Variants in ZSWIM6 observed in about 807,000 individuals in gnomAD.
The protein encoded by ZSWIM6 is zinc finger SWIM-type containing 6, also known as zinc finger SWIM domain-containing protein 6.
ZSWIM6 carries 9 observed loss-of-function variants against 113.2 expected under a neutral mutation model. The observed-to-expected ratio is 0.08, with a 90% confidence interval of 0.05 to 0.14. The LOEUF (loss-of-function observed/expected upper bound fraction) is 0.14, where lower values mean the gene tolerates loss of function less well. Ranked by LOEUF, ZSWIM6 falls within the 10% of genes least tolerant of loss-of-function variation. The pLI, the probability that ZSWIM6 is intolerant of heterozygous loss-of-function variation, is 1.00. For synonymous variants in ZSWIM6, 611 were observed against 606.5 expected, an observed-to-expected ratio of 1.01 and a Z score of -0.11; for missense variants, 1,162 against 1,552.2, an observed-to-expected ratio of 0.75 and a Z score of 4.22.
Position 61,544,482 on chromosome 5 carries a change from T to A in ZSWIM6, c.*165T>A. ...ACTAAATTGTCATGTTGTGAAAGTT[T>A]GTGTGTTTTTTATTTTTTCCCTATT... On this transcript the variant is annotated 3_prime_UTR_variant, in exon 14 of 14. Transcript: ENST00000252744. 1 of 376,074 alleles carries A rather than the reference T, an allele frequency of 2.7e-6. No homozygotes were observed. Among genetic ancestry groups the A allele is most frequent in the Non-Finnish European group, 4.7e-6 (1 of 213,462 alleles). The allele number at this position is 376,074 out of a possible 1,614,324, so 23.3% of individuals were successfully genotyped here. A position where few individuals can be genotyped will look rare whatever the true frequency, so the allele number is the denominator to read the frequency against.
intron 1 of ZSWIM6, among the ~76,000 whole-genome samples, chr5:61,381,790 G>T (rs1745491956): frequency 6.6e-6 from 1 of 152,186 alleles, no homozygotes; most frequent in Non-Finnish European, 1.5e-5. Flanking sequence ...AGTGTGGAGT[G>T]AATAGATCCC....
At chr5:61,451,643 C>G (rs952351510) in intron 1 of ZSWIM6, among the ~76,000 whole-genome samples, 1 of 152,252 alleles carries the variant, frequency 6.6e-6, no homozygotes, top group African/African-American at 2.4e-5. Context: ...AGGAAAGGTT[C>G]TTTCTTTTAA....
intron 1 of ZSWIM6, among the ~76,000 whole-genome samples, chr5:61,409,165 A>G (rs952646616): frequency 4.7e-5 from 7 of 149,666 alleles, no homozygotes; most frequent in Admixed American, 4.0e-4. Context: ...AATTAAATGT[A>G]ACACATACCA....
chr5:61,482,447 T>TA (rs1474770224), intron 2 of ZSWIM6, among the ~76,000 whole-genome samples: 1 of 152,164 alleles, frequency 6.6e-6, no homozygotes, highest in Non-Finnish European at 1.5e-5. Context: ...TGTGTATACC[T>TA]ATGTGCATGT....
At chr5:61,389,134 G>C (rs1166187585) in intron 1 of ZSWIM6, among the ~76,000 whole-genome samples, 1 of 152,086 alleles carries the variant, frequency 6.6e-6, no homozygotes, top group Admixed American at 6.6e-5. Flanking sequence ...GCACTCTGTA[G>C]GGCTTCCTCT....
chr5:61,346,298 G>A (rs904343575), intron 1 of ZSWIM6, among the ~76,000 whole-genome samples: 1 of 152,162 alleles, frequency 6.6e-6, no homozygotes, highest in South Asian at 2.1e-4. Flanking sequence ...ATGACAGCAA[G>A]TTGGGTAGTT....
At chr5:61,377,972 T>A (rs1745405639) in intron 1 of ZSWIM6, among the ~76,000 whole-genome samples, 1 of 152,220 alleles carries the variant, frequency 6.6e-6, no homozygotes, top group Non-Finnish European at 1.5e-5. Flanking sequence ...TGCCATTTTT[T>A]AAAAACCTAT....
chr5:61,348,594 G>A (rs183505854), intron 1 of ZSWIM6, among the ~76,000 whole-genome samples: 8 of 152,172 alleles, frequency 5.3e-5, no homozygotes, highest in African/African-American at 1.9e-4. Context: ...CATTTAAACT[G>A]CTAGTTTAAA....
At chr5:61,390,093 T>C (rs1745672458) in intron 1 of ZSWIM6, among the ~76,000 whole-genome samples, 1 of 152,204 alleles carries the variant, frequency 6.6e-6, no homozygotes. Flanking sequence ...TCAGCCTGCC[T>C]GCCTATCTGC....
chr5:61,357,780 C>G (rs532388849), intron 1 of ZSWIM6, among the ~76,000 whole-genome samples: 1 of 145,518 alleles, frequency 6.9e-6, no homozygotes, highest in East Asian at 1.9e-4. Flanking sequence ...GAAAACTAAA[C>G]CATCCTTTTA....
At chr5:61,532,959 TTTCTC>T (rs1242620502) in intron 9 of ZSWIM6, among the ~76,000 whole-genome samples, 1 of 152,262 alleles carries the variant, frequency 6.6e-6, no homozygotes, top group Non-Finnish European at 1.5e-5. Context: ...TGACTTTTGA[TTTCTC>T]TTATACTGAA....
At chr5:61,334,478 C>A (rs941977918) in intron 1 of ZSWIM6, among the ~76,000 whole-genome samples, 17 of 152,184 alleles carry the variant, frequency 1.1e-4, no homozygotes, top group African/African-American at 4.1e-4. Flanking sequence ...TTTTCTCTTT[C>A]TGTAGTCAGT....
At chr5:61,482,468 T>C (rs1385414944) in intron 2 of ZSWIM6, among the ~76,000 whole-genome samples, 1 of 152,200 alleles carries the variant, frequency 6.6e-6, no homozygotes, top group East Asian at 1.9e-4. Context: ...TCTGCACATG[T>C]ATTCCAGAAC....
chr5:61,427,463 T>C (rs1360620046), intron 1 of ZSWIM6, among the ~76,000 whole-genome samples: 12 of 152,186 alleles, frequency 7.9e-5, no homozygotes, highest in African/African-American at 2.7e-4. Context: ...GGAACTTCAT[T>C]GAACTTTTCT....
At chr5:61,412,392 G>A (rs1341489260) in intron 1 of ZSWIM6, among the ~76,000 whole-genome samples, 2 of 152,172 alleles carry the variant, frequency 1.3e-5, no homozygotes, top group Admixed American at 1.3e-4. Context: ...TGTGATTTTA[G>A]TATGTTTCAG....
Position 61,457,503 on chromosome 5 carries a change from G to A in ZSWIM6, c.677-15178G>A, listed in dbSNP as rs573738427. Among the ~76,000 whole-genome samples, 5 of 151,868 alleles carry A rather than the reference G, an allele frequency of 3.3e-5. No individual in the cohort carries two copies. The South Asian group carries it at 1.0e-3, about 32-fold the overall frequency. On this transcript the variant is annotated intron_variant, in intron 1 of 13. Coordinates refer to ENST00000252744, the MANE Select transcript of ZSWIM6 (RefSeq NM_020928.2). ...ATAACAATTGTGATTGACTAAATAA[G>A]TGGCCCCTCTATCTTTTTTTTTATT...
chr5:61,418,536 G>A (rs111533316), intron 1 of ZSWIM6, among the ~76,000 whole-genome samples: 21,480 of 152,044 alleles, frequency 0.14, 1,625 homozygotes, highest in Non-Finnish European at 0.17. Context: ...CGGGATTACA[G>A]GTGTGAGCCA....
chr5:61,446,633 A>G (rs1746959214), intron 1 of ZSWIM6, among the ~76,000 whole-genome samples: 2 of 152,206 alleles, frequency 1.3e-5, no homozygotes, highest in Non-Finnish European at 2.9e-5. Flanking sequence ...AAAAATATAT[A>G]CTAACAATTC....
chr5:61,368,462 T>A (rs7446236), intron 1 of ZSWIM6, among the ~76,000 whole-genome samples: 15,576 of 152,300 alleles, frequency 0.1, 1,006 homozygotes, highest in Middle Eastern at 0.15. Flanking sequence ...AATTGAAATG[T>A]CTTGCTTGAT....
Sources: allele counts gnomAD v4.1 joint callset (sites outside exome capture counted in the v4.1 genomes callset), GRCh38; gene constraint gnomAD v4.1.1; transcripts MANE v1.5; gene names NCBI Gene and HGNC (gene_info 2026-07-23, HGNC 2026-07-21).